PAWR: variants seen among roughly 807,000 people sequenced by gnomAD.
PAWR encodes PRKC apoptosis WT1 regulator protein.
A neutral mutation model predicts 32.0 loss-of-function variants in PAWR; 23 were observed. That is an observed-to-expected ratio of 0.72 (90% CI 0.52 to 1.02). The LOEUF (loss-of-function observed/expected upper bound fraction) is 1.02, where lower values mean the gene tolerates loss of function less well. Ranked by LOEUF, PAWR falls within the 50% of genes least tolerant of loss-of-function variation. The pLI is 0.00. For synonymous variants in PAWR, 226 were observed against 187.1 expected (o/e 1.21, Z -1.70); for missense variants, 457 against 437.7 (o/e 1.04, Z -0.39).
intron 2 of PAWR, among the ~76,000 whole-genome samples, chr12:79,645,251 G>A (rs1876519531): frequency 6.6e-6 from 1 of 152,036 alleles, no homozygotes. Flanking sequence ...TAAGTTATTA[G>A]GACATAAATA....
chr12:79,660,772 C>T (rs931731169), intron 2 of PAWR, among the ~76,000 whole-genome samples: 2 of 151,460 alleles, frequency 1.3e-5, no homozygotes, highest in African/African-American at 2.4e-5. Flanking sequence ...TTACTAGAGA[C>T]GGGGTTTCAC....
chr12:79,678,410 G>C (rs1878275992), intron 2 of PAWR, among the ~76,000 whole-genome samples: 1 of 152,164 alleles, frequency 6.6e-6, no homozygotes, highest in Non-Finnish European at 1.5e-5. Flanking sequence ...TGAATTTTCT[G>C]AACATCACCA....
At position 79,587,382 on chromosome 12, in the gene PAWR, C is replaced by A. The variant is rs371873902; in HGVS notation, c.*5225G>T. 51 of 152,100 alleles carry A rather than the reference C, an allele frequency of 3.4e-4. No individual in the cohort carries two copies. In the East Asian group the frequency reaches 5.2e-3, roughly 16 times the overall value. The allele number at this position is 152,100 out of a possible 1,614,324, so 9.4% of individuals were successfully genotyped here. On this transcript the variant is annotated 3_prime_UTR_variant, in exon 7 of 7. Transcript: ENST00000328827. ...TATGTAAACCATTTACTAAAAAAGT[C>A]TAAATTTTTATATTCCTAGGCCCCT... is the stretch of plus-strand genomic sequence containing the variant.
Position 79,592,579 on chromosome 12 carries a change from AT to A in PAWR, c.*27del. On this transcript the variant is annotated 3_prime_UTR_variant, in exon 7 of 7. Coordinates refer to ENST00000328827, the MANE Select transcript of PAWR (RefSeq NM_002583.4). ...TAACATTCAATCAGTAGTTTAAAAT[AT>A]TTTTTCCACATTGAGTCTTGAATCC... is the stretch of plus-strand genomic sequence containing the variant. The A allele has an allele frequency of 1.3e-6, 1 of 749,220 alleles. No individual in the cohort carries two copies. 46.4% of individuals were successfully genotyped at this position (749,220 alleles called of 1,614,324 possible).
intron 2 of PAWR, among the ~76,000 whole-genome samples, chr12:79,686,077 T>G (rs984068794): frequency 4.6e-5 from 7 of 152,166 alleles, no homozygotes; most frequent in South Asian, 2.1e-4. Flanking sequence ...CTAAACCACT[T>G]TAGCCAACCA....
intron 2 of PAWR, among the ~76,000 whole-genome samples, chr12:79,651,543 C>G (rs989047269): frequency 1.3e-5 from 2 of 152,082 alleles, no homozygotes; most frequent in African/African-American, 4.8e-5. Context: ...AGGCTATTCC[C>G]CTATCTAGTC....
chr12:79,689,625 C>A (rs1216703618), intron 2 of PAWR, 104 bp downstream of exon 2: 16 of 1,289,170 alleles, frequency 1.2e-5, no homozygotes, highest in Admixed American at 2.3e-5. Context: ...CAAGTACGAG[C>A]CAGGGGAGGT....
At chr12:79,688,032 G>A (rs928367431) in intron 2 of PAWR, among the ~76,000 whole-genome samples, 2 of 152,010 alleles carry the variant, frequency 1.3e-5, no homozygotes, top group African/African-American at 4.8e-5. Flanking sequence ...TTGTTTTCAG[G>A]GAAGATTAAA....
chr12:79,633,710 T>C (rs1249048901), intron 2 of PAWR, among the ~76,000 whole-genome samples: 3 of 152,164 alleles, frequency 2.0e-5, no homozygotes, highest in African/African-American at 7.2e-5. Flanking sequence ...AACAACAAGG[T>C]ACTCACCTCA....
chr12:79,592,273 T>A lies in PAWR; in HGVS notation c.*334A>T, dbSNP rs1234367863. The A allele has an allele frequency of 4.1e-6, 1 of 242,326 alleles. No homozygotes were observed. The highest frequency in any genetic ancestry group is 7.9e-6 in the Non-Finnish European group (1 of 126,506). The allele number at this position is 242,326 out of a possible 1,614,324, so 15.0% of individuals were successfully genotyped here. A position where few individuals can be genotyped will look rare whatever the true frequency, so the allele number is the denominator to read the frequency against. ...TCATGTAAACAAAGACTATGTATATTCCTAAGGGAGAAAATGTACTACCAA... is the reference window on the plus strand; with the variant it reads ...TCATGTAAACAAAGACTATGTATATACCTAAGGGAGAAAATGTACTACCAA... On this transcript the variant is annotated 3_prime_UTR_variant, in exon 7 of 7. Coordinates refer to ENST00000328827, the MANE Select transcript of PAWR (RefSeq NM_002583.4).
intron 4 of PAWR, among the ~76,000 whole-genome samples, chr12:79,610,960 G>GT (rs1220358744): frequency 6.6e-6 from 1 of 151,174 alleles, no homozygotes; most frequent in Non-Finnish European, 1.5e-5. Flanking sequence ...GTCAATTCAA[G>GT]TTTTAAAATA....
intron 2 of PAWR, among the ~76,000 whole-genome samples, chr12:79,656,067 C>T (rs547990028): frequency 6.6e-6 from 1 of 152,252 alleles, no homozygotes; most frequent in South Asian, 2.1e-4. Context: ...GAAAGCATAT[C>T]ACATCTGAGG....
At chr12:79,674,529 T>C (rs970813728) in intron 2 of PAWR, among the ~76,000 whole-genome samples, 3 of 152,024 alleles carry the variant, frequency 2.0e-5, no homozygotes, top group African/African-American at 7.3e-5. Context: ...CCAAAAGCAA[T>C]TCAAACAAAA....
At chr12:79,609,870 G>A (rs1874358040) in intron 4 of PAWR, among the ~76,000 whole-genome samples, 1 of 152,196 alleles carries the variant, frequency 6.6e-6, no homozygotes, top group South Asian at 2.1e-4. Context: ...GCCGTCCATG[G>A]ATGGCAAAGC....
At chr12:79,682,645 T>C (rs1592557803) in intron 2 of PAWR, among the ~76,000 whole-genome samples, 1 of 152,202 alleles carries the variant, frequency 6.6e-6, no homozygotes. Context: ...TTTTAGAATT[T>C]AAATATTCCT....
chr12:79,654,169 T>C (rs1350855433), intron 2 of PAWR, among the ~76,000 whole-genome samples: 2 of 152,222 alleles, frequency 1.3e-5, no homozygotes, highest in Admixed American at 6.5e-5. Flanking sequence ...ATTAGCCTTA[T>C]GTTTGGTTAC....
intron 2 of PAWR, among the ~76,000 whole-genome samples, chr12:79,627,715 C>T (rs915750660): frequency 6.6e-6 from 1 of 152,046 alleles, no homozygotes; most frequent in African/African-American, 2.4e-5. Flanking sequence ...CAAAGAAGGC[C>T]AATACATAAT....
intron 4 of PAWR, among the ~76,000 whole-genome samples, chr12:79,598,235 G>T (rs140048306): frequency 1.3e-5 from 2 of 152,308 alleles, no homozygotes; most frequent in East Asian, 1.9e-4. Context: ...TTCACTGGGG[G>T]CTATCTTGAA....
At chr12:79,607,248 A>C in intron 4 of PAWR, among the ~76,000 whole-genome samples, 1 of 152,082 alleles carries the variant, frequency 6.6e-6, no homozygotes, top group East Asian at 1.9e-4. Context: ...ACACAGTGAA[A>C]CCCCATCTCT....
Sources: gnomAD v4.1 joint callset for allele counts (sites outside exome capture counted in the v4.1 genomes callset) on GRCh38, gnomAD v4.1.1 for gene constraint, MANE v1.5 for transcripts, NCBI Gene and HGNC (gene_info 2026-07-23, HGNC 2026-07-21) for gene names.